DGKD: variants seen among roughly 807,000 people sequenced by gnomAD.
DGKD encodes the protein diacylglycerol kinase delta.
In DGKD, 68 loss-of-function variants were observed where a neutral mutation model predicts 154.4. That is an observed-to-expected ratio of 0.44 (90% confidence interval 0.36 to 0.54). DGKD has a LOEUF of 0.54. DGKD is among the 20% of genes least tolerant of loss of function. The pLI is 0.00. For missense variants in DGKD, 1,343 were observed against 1,593.6 expected (o/e 0.84, Z 2.68); for synonymous variants, 693 against 638.0 (o/e 1.09, Z -1.30).
At position 233,438,368 on chromosome 2, in the gene DGKD, C is replaced by T; in HGVS notation, c.1074C>T (p.Gly358=). The T allele has an allele frequency of 6.2e-7, 1 of 1,611,864 alleles. No homozygotes were observed. Among genetic ancestry groups the T allele is most frequent in the East Asian group, 2.2e-5 (1 of 44,808 alleles). ...AGGTCTTCGACCTCATGAACGGAGG[C>T]CCACACCTCGGGTAGGAAGCTTGTA... ...PAQVFDLMNG[G]PHLGLRLFQK... Residue 358 remains glycine, a synonymous_variant, in exon 9 of 30, where the codon GGC becomes GGT. Transcript: ENST00000264057. The surrounding 1 kb of genome is among the most constrained non-coding windows in gnomAD (Gnocchi z 4.1).
At chr2:233,368,022 T>A (rs983588557) in intron 1 of DGKD, among the ~76,000 whole-genome samples, 2 of 151,996 alleles carry the variant, frequency 1.3e-5, no homozygotes, top group Non-Finnish European at 2.9e-5. Context: ...TGATTTCCCC[T>A]TTACAGTTAG....
chr2:233,374,208 G>A (rs1346985759), intron 1 of DGKD, among the ~76,000 whole-genome samples: 1 of 151,982 alleles, frequency 6.6e-6, no homozygotes, highest in Non-Finnish European at 1.5e-5. Context: ...CTGCTACGAT[G>A]CCTGGCTAGT....
At chr2:233,395,503 CT>C (rs1425284637) in intron 3 of DGKD, among the ~76,000 whole-genome samples, 1 of 151,640 alleles carries the variant, frequency 6.6e-6, no homozygotes, top group Non-Finnish European at 1.5e-5. Flanking sequence ...CTTGGTACCT[CT>C]CTTCTACTTC....
Position 233,432,306 on chromosome 2 carries a change from ATGAGGT to A in DGKD, c.349-2073_349-2068del. 8.5e-5 allele frequency among the ~76,000 whole-genome samples: 8 copies of A among 94,480 alleles called. 1 individual carries two copies. The highest frequency in any genetic ancestry group is 1.9e-4 in the African/African-American group (5 of 26,536). 62.0% of individuals were successfully genotyped at this position (94,480 alleles called of 152,430 possible). A position where few individuals can be genotyped will look rare whatever the true frequency, so the allele number is the denominator to read the frequency against. On this transcript the variant is annotated intron_variant, in intron 3 of 29. Transcript: ENST00000264057. ...TTTGGGAGGCCAAGGTGGGCGGATC[ATGAGGT>A]CAGGAGATTGTGACCCTCCTGGCTA...
At chr2:233,416,578 C>T (rs758738403) in intron 3 of DGKD, among the ~76,000 whole-genome samples, 2 of 152,196 alleles carry the variant, frequency 1.3e-5, no homozygotes, top group Admixed American at 1.3e-4. Flanking sequence ...TTACTATAGA[C>T]GCCTTTGGGT....
At chr2:233,392,579 C>T (rs1370272707) in intron 3 of DGKD, among the ~76,000 whole-genome samples, 4 of 152,118 alleles carry the variant, frequency 2.6e-5, no homozygotes, top group Non-Finnish European at 5.9e-5. Flanking sequence ...AAACCAACCC[C>T]ATAAAATTCA....
intron 3 of DGKD, among the ~76,000 whole-genome samples, chr2:233,414,110 C>T (rs1022713436): frequency 2.0e-5 from 3 of 152,132 alleles, no homozygotes; most frequent in African/African-American, 4.8e-5. Context: ...GATGCCCTTT[C>T]CTGGACAGAT....
At chr2:233,466,613 C>T (rs1425720698) in intron 27 of DGKD, among the ~76,000 whole-genome samples, 1 of 152,170 alleles carries the variant, frequency 6.6e-6, no homozygotes, top group Non-Finnish European at 1.5e-5. Context: ...TGGCTCCGCT[C>T]TTCACCCTTC....
chr2:233,391,411 T>TCC (rs112375518), intron 3 of DGKD, among the ~76,000 whole-genome samples: 769 of 151,624 alleles, frequency 5.1e-3, no homozygotes, highest in African/African-American at 1.0e-2. Flanking sequence ...TGTGTTTTTT[T>TCC]CCCCCCCCAG....
chr2:233,376,122 G>A (rs1360965103), intron 1 of DGKD, among the ~76,000 whole-genome samples: 2 of 152,202 alleles, frequency 1.3e-5, no homozygotes, highest in Non-Finnish European at 2.9e-5. Flanking sequence ...TTGGGATGTC[G>A]CACCTGCTGC....
intron 1 of DGKD, among the ~76,000 whole-genome samples, chr2:233,361,424 G>C (rs1324636018): frequency 6.6e-6 from 1 of 152,016 alleles, no homozygotes; most frequent in East Asian, 1.9e-4. Flanking sequence ...TGACTTTCAC[G>C]AGTCTGTTTG....
intron 12 of DGKD, chr2:233,447,350 G>A (rs1362829276): frequency 5.3e-6 from 2 of 378,608 alleles, no homozygotes; most frequent in African/African-American, 4.4e-5. Context: ...TTTGTCTTTA[G>A]TTTCTATTTT....
intron 1 of DGKD, among the ~76,000 whole-genome samples, chr2:233,359,494 AT>A (rs34252378): frequency 1.0e-4 from 15 of 144,974 alleles, no homozygotes; most frequent in Non-Finnish European, 7.5e-5. Flanking sequence ...TGTCTTTCTG[AT>A]TTTTTTTTTT....
intron 1 of DGKD, among the ~76,000 whole-genome samples, chr2:233,385,266 A>G (rs1406450335): frequency 2.0e-5 from 3 of 152,146 alleles, no homozygotes; most frequent in Non-Finnish European, 2.9e-5. Flanking sequence ...TGGGCTGGGC[A>G]TATGTCTGTC....
rs1410818234 is a variant in DGKD at position 233,457,056 on chromosome 2, C to A, written c.2472+61C>A. On this transcript the variant is annotated intron_variant, in intron 20 of 29. Transcript: ENST00000264057. The surrounding 1 kb of genome is among the most constrained non-coding windows in gnomAD (Gnocchi z 5.5). ...CTCCATCCATCAGCAGACTGCCAGG[C>A]CTATTGCTTCTCCTGTTGACCATTT... 2 of 1,420,582 alleles carry A rather than the reference C, an allele frequency of 1.4e-6. No individual in the cohort carries two copies. The highest frequency in any genetic ancestry group is 1.4e-5 in the African/African-American group (1 of 71,186). The allele number at this position is 1,420,582 out of a possible 1,614,324, so 88.0% of individuals were successfully genotyped here. A position where few individuals can be genotyped will look rare whatever the true frequency, so the allele number is the denominator to read the frequency against.
rs767899876 is a variant in DGKD at position 233,435,885 on chromosome 2, G to A, written c.654G>A (p.Leu218=). ...RATNNCKWTT[L]ASIGKDIIED... ...CCAATAACTGCAAGTGGACCACACTGGCCTCGATCGGGAAGGACATCATTG... is the reference window on the plus strand; with the variant it reads ...CCAATAACTGCAAGTGGACCACACTAGCCTCGATCGGGAAGGACATCATTG... The change falls in exon 6 of 30, where the codon CTG becomes CTA. Residue 218 remains leucine (L), a synonymous_variant. Coordinates refer to ENST00000264057, the MANE Select transcript of DGKD (RefSeq NM_152879.3). 1.6e-5 allele frequency: 26 copies of A among 1,611,992 alleles called. No homozygotes were observed. The South Asian group carries it at 2.6e-4, about 16-fold the overall frequency.
intron 27 of DGKD, among the ~76,000 whole-genome samples, chr2:233,466,610 G>A (rs974089144): frequency 2.6e-5 from 4 of 152,122 alleles, no homozygotes; most frequent in African/African-American, 4.8e-5. Flanking sequence ...GTGTGGCTCC[G>A]CTCTTCACCC....
chr2:233,450,839 C>T (rs2063258709), intron 16 of DGKD, 83 bp from the exon 17 acceptor site: 2 of 1,532,952 alleles, frequency 1.3e-6, no homozygotes, highest in East Asian at 2.3e-5. Flanking sequence ...AGCCCTCCCA[C>T]CTGCTCGTGT....
At chr2:233,407,616 A>C (rs913717098) in intron 3 of DGKD, among the ~76,000 whole-genome samples, 1 of 152,116 alleles carries the variant, frequency 6.6e-6, no homozygotes, top group Non-Finnish European at 1.5e-5. Flanking sequence ...AAATAAAAAA[A>C]ATTATCCAGG....
Sources: gnomAD v4.1 joint callset for allele counts (sites outside exome capture counted in the v4.1 genomes callset) on GRCh38, gnomAD v4.1.1 for gene constraint, Gnocchi (gnomAD v3.1) non-coding constraint, MANE v1.5 for transcripts, NCBI Gene and HGNC (gene_info 2026-07-23, HGNC 2026-07-21) for gene names.